The following TNRC6B variants were observed in gnomAD, a reference collection of about 807,000 sequenced individuals.
TNRC6B encodes trinucleotide repeat containing adaptor 6B.
In TNRC6B, 52 loss-of-function variants were observed where a neutral mutation model predicts 203.6. The ratio of observed to expected loss-of-function variants is 0.26; its 90% CI spans 0.20 to 0.32. The LOEUF (loss-of-function observed/expected upper bound fraction) is 0.32, where lower values mean the gene tolerates loss of function less well. TNRC6B is among the 10% of genes least tolerant of loss of function. The pLI is 1.00. For synonymous variants in TNRC6B, 838 were observed against 845.7 expected, an observed-to-expected ratio of 0.99 and a Z score of 0.16; for missense variants, 1,923 against 2,286.2, an observed-to-expected ratio of 0.84 and a Z score of 3.24.
intron 5 of TNRC6B, 33 bp from the exon 6 acceptor site, chr22:40,270,089 A>T (rs766614844): frequency 1.3e-6 from 2 of 1,562,098 alleles, no homozygotes; most frequent in Non-Finnish European, 1.7e-6. Flanking sequence ...TCATTTAACA[A>T]ATGATTCTTA....
intron 1 of TNRC6B, among the ~76,000 whole-genome samples, chr22:40,242,037 C>G (rs1191593945): frequency 6.6e-6 from 1 of 152,134 alleles, no homozygotes; most frequent in Non-Finnish European, 1.5e-5. Flanking sequence ...TATGCTACCC[C>G]CAGAATTAGC....
At chr22:40,148,322 TTG>T (rs2068713036) in intron 3 of TNRC6B, among the ~76,000 whole-genome samples, 2 of 150,856 alleles carry the variant, frequency 1.3e-5, no homozygotes, top group Non-Finnish European at 3.0e-5. Context: ...TCTTGCTCTG[TTG>T]CCAGGCTGCA....
At chr22:40,187,247 C>A (rs770245738) in intron 1 of TNRC6B, among the ~76,000 whole-genome samples, 1 of 152,166 alleles carries the variant, frequency 6.6e-6, no homozygotes, top group African/African-American at 2.4e-5. Flanking sequence ...AATGGTTTAG[C>A]ACCATCGCAA....
At chr22:40,170,908 C>T (rs1399424186) in intron 4 of TNRC6B, among the ~76,000 whole-genome samples, 2 of 138,718 alleles carry the variant, frequency 1.4e-5, no homozygotes, top group African/African-American at 2.7e-5. Flanking sequence ...TATATATGTG[C>T]ATATATGTGT....
chr22:40,163,590 C>T (rs1037069095), intron 4 of TNRC6B, among the ~76,000 whole-genome samples: 1 of 151,170 alleles, frequency 6.6e-6, no homozygotes, highest in Non-Finnish European at 1.5e-5. Context: ...TGGAGAAACC[C>T]GTCTATACTA....
chr22:40,246,696 T>C (rs950602466), intron 2 of TNRC6B, among the ~76,000 whole-genome samples: 3 of 152,190 alleles, frequency 2.0e-5, no homozygotes, highest in South Asian at 4.1e-4. Flanking sequence ...TATTTCCTTA[T>C]TTGTATATTA....
At chr22:40,292,749 G>A (rs969540971) in intron 12 of TNRC6B, among the ~76,000 whole-genome samples, 1 of 152,228 alleles carries the variant, frequency 6.6e-6, no homozygotes, top group African/African-American at 2.4e-5. Context: ...TTGGAGAGGG[G>A]CAGTACATTT....
intron 1 of TNRC6B, among the ~76,000 whole-genome samples, chr22:40,216,268 G>A (rs1306536300): frequency 3.3e-5 from 5 of 152,042 alleles, no homozygotes; most frequent in Admixed American, 2.6e-4. Flanking sequence ...TCTGTTCCCC[G>A]ACCGCATGCA....
chr22:40,277,258 AAACTAGTTAAGC>A, intron 8 of TNRC6B, 107 bp downstream of exon 8: 1 of 752,918 alleles, frequency 1.3e-6, no homozygotes, highest in Admixed American at 3.6e-5. Flanking sequence ...AAAGATTTAA[AAACTAGTTAAGC>A]AATGTTCTTG....
chr22:40,137,566 A>G (rs2068610483), intron 3 of TNRC6B, among the ~76,000 whole-genome samples: 1 of 152,206 alleles, frequency 6.6e-6, no homozygotes, highest in Non-Finnish European at 1.5e-5. Context: ...AGAGATGGTT[A>G]GAGCATTGAG....
chr22:40,173,500 G>C (rs1217264664), upstream of TNRC6B, among the ~76,000 whole-genome samples: 4 of 149,148 alleles, frequency 2.7e-5, no homozygotes, highest in Non-Finnish European at 4.4e-5. Flanking sequence ...CTGTCACCAA[G>C]GCTGGAGTAC....
chr22:40,058,723 C>T (rs2067822467), intron 1 of TNRC6B, among the ~76,000 whole-genome samples: 1 of 152,270 alleles, frequency 6.6e-6, no homozygotes, highest in East Asian at 1.9e-4. Flanking sequence ...GATACCCTGT[C>T]GCTGGCAACC....
intron 4 of TNRC6B, among the ~76,000 whole-genome samples, chr22:40,169,825 C>A (rs1488016323): frequency 1.3e-5 from 2 of 152,118 alleles, no homozygotes; most frequent in East Asian, 3.8e-4. Flanking sequence ...AAAAGGTACT[C>A]ACATATCATA....
At chr22:40,239,462 A>G (rs181161618) in intron 1 of TNRC6B, among the ~76,000 whole-genome samples, 22 of 152,322 alleles carry the variant, frequency 1.4e-4, no homozygotes, top group African/African-American at 4.8e-4. Flanking sequence ...TCTGCAGAAG[A>G]AGGCAAGTTT....
intron 12 of TNRC6B, among the ~76,000 whole-genome samples, chr22:40,294,357 C>T (rs959290905): frequency 3.3e-5 from 5 of 152,162 alleles, no homozygotes; most frequent in Non-Finnish European, 7.3e-5. Flanking sequence ...CATCATCATC[C>T]GATGTTCTCC....
intron 3 of TNRC6B, among the ~76,000 whole-genome samples, chr22:40,257,826 T>C (rs1321438316): frequency 6.6e-6 from 1 of 152,084 alleles, no homozygotes; most frequent in East Asian, 1.9e-4. Flanking sequence ...AGTTCGAGAC[T>C]AGCCTGGCCA....
chr22:40,046,519 T>G (rs759564683), intron 1 of TNRC6B, among the ~76,000 whole-genome samples: 94 of 152,294 alleles, frequency 6.2e-4, no homozygotes, highest in Non-Finnish European at 9.3e-4. Context: ...AGCAGAGTGG[T>G]TTCTGATAGG....
intron 4 of TNRC6B, among the ~76,000 whole-genome samples, chr22:40,160,004 T>C (rs2146356870): frequency 6.6e-6 from 1 of 152,194 alleles, no homozygotes; most frequent in East Asian, 1.9e-4. Context: ...TTTGTAGAAA[T>C]GAGGTCTCAC....
At chr22:40,228,280 A>G (rs2069819567) in intron 1 of TNRC6B, among the ~76,000 whole-genome samples, 1 of 151,822 alleles carries the variant, frequency 6.6e-6, no homozygotes. Context: ...ATACTAAAAA[A>G]TTAGCCAGGT....
Sources: gnomAD v4.1 joint callset for allele counts (sites outside exome capture counted in the v4.1 genomes callset) on GRCh38, gnomAD v4.1.1 for gene constraint, MANE v1.5 for transcripts, NCBI Gene and HGNC (gene_info 2026-07-23, HGNC 2026-07-21) for gene names.